The following OSBPL11 variants were observed in gnomAD, a reference collection of about 807,000 sequenced individuals.
The protein encoded by OSBPL11 is oxysterol binding protein like 11.
Under a neutral mutation model 84.4 loss-of-function variants are expected in OSBPL11, and 33 were observed. The ratio of observed to expected loss-of-function variants is 0.39; its 90% CI spans 0.30 to 0.52. The LOEUF is 0.52. OSBPL11 is among the 20% of genes least tolerant of loss of function. The pLI, the probability that OSBPL11 is intolerant of heterozygous loss-of-function variation, is 0.72. For missense variants in OSBPL11, 736 were observed against 901.1 expected (o/e 0.82, Z 2.35); for synonymous variants, 276 against 310.2 (o/e 0.89, Z 1.16).
At chr3:125,545,138 G>A (rs1413296115) in intron 10 of OSBPL11, among the ~76,000 whole-genome samples, 1 of 152,158 alleles carries the variant, frequency 6.6e-6, no homozygotes, top group East Asian at 1.9e-4. Flanking sequence ...AAATTCACAT[G>A]AAGCATAATT....
At chr3:125,559,197 A>G (rs544735901) in intron 8 of OSBPL11, among the ~76,000 whole-genome samples, 8 of 152,212 alleles carry the variant, frequency 5.3e-5, no homozygotes, top group Admixed American at 2.0e-4. Context: ...CCTGTTATAG[A>G]TAATACCCCA....
At chr3:125,536,617 TTAAG>T (rs1475110016) in intron 11 of OSBPL11, among the ~76,000 whole-genome samples, 1 of 152,222 alleles carries the variant, frequency 6.6e-6, no homozygotes, top group Non-Finnish European at 1.5e-5. Flanking sequence ...TTGTTTTTCT[TTAAG>T]TATCACATTC....
intron 1 of OSBPL11, among the ~76,000 whole-genome samples, chr3:125,586,570 T>C (rs1258392645): frequency 6.6e-6 from 1 of 151,814 alleles, no homozygotes; most frequent in Admixed American, 6.6e-5. Context: ...TGGAGAGCAG[T>C]GGTGCAATCT....
Position 125,528,991 on chromosome 3 carries a change from A to T in OSBPL11, c.*1524T>A, listed in dbSNP as rs931511522. ...CATTAAAATTGTTGTACACAAACCA[A>T]CTCTTTTTCTTATAATTTACAATTT... On this transcript the variant is annotated 3_prime_UTR_variant, in exon 13 of 13. Transcript: ENST00000296220. 6.6e-6 allele frequency: 1 copy of T among 152,478 alleles called. No homozygotes were observed. Among genetic ancestry groups the T allele is most frequent in the African/African-American group, 2.4e-5 (1 of 41,398 alleles). 9.4% of individuals were successfully genotyped at this position (152,478 alleles called of 1,614,324 possible). A position where few individuals can be genotyped will look rare whatever the true frequency, so the allele number is the denominator to read the frequency against.
At chr3:125,575,146 T>C (rs1269966621) in intron 5 of OSBPL11, among the ~76,000 whole-genome samples, 1 of 152,156 alleles carries the variant, frequency 6.6e-6, no homozygotes, top group Non-Finnish European at 1.5e-5. Context: ...GAAACGGATA[T>C]GAGAATTCCG....
chr3:125,593,050 A>G (rs1936622511), intron 1 of OSBPL11, among the ~76,000 whole-genome samples: 1 of 152,224 alleles, frequency 6.6e-6, no homozygotes, highest in African/African-American at 2.4e-5. Context: ...AATATCATCA[A>G]GAAAGTTGTA....
chr3:125,586,998 A>G (rs527638039), intron 1 of OSBPL11, among the ~76,000 whole-genome samples: 1 of 152,226 alleles, frequency 6.6e-6, no homozygotes, highest in Non-Finnish European at 1.5e-5. Context: ...ATAACTAATA[A>G]CTCTCCATCT....
At chr3:125,554,494 C>T (rs1234109281) in intron 8 of OSBPL11, among the ~76,000 whole-genome samples, 2 of 152,142 alleles carry the variant, frequency 1.3e-5, no homozygotes, top group East Asian at 1.9e-4. Context: ...GCGCCACCTA[C>T]GTGTTAAAGC....
chr3:125,569,137 C>T (rs1936207608), intron 5 of OSBPL11, among the ~76,000 whole-genome samples: 1 of 151,924 alleles, frequency 6.6e-6, no homozygotes, highest in South Asian at 2.1e-4. Flanking sequence ...TTAGTAGAGA[C>T]AGGGTTTTTC....
chr3:125,575,487 A>G (rs969865221), intron 5 of OSBPL11, among the ~76,000 whole-genome samples: 1 of 151,456 alleles, frequency 6.6e-6, no homozygotes, highest in Non-Finnish European at 1.5e-5. Context: ...CAGCCTCCCA[A>G]AGTGCTGGAA....
intron 5 of OSBPL11, 58 bp from the exon 6 acceptor site, chr3:125,567,653 T>C: frequency 7.2e-7 from 1 of 1,381,486 alleles, no homozygotes; most frequent in African/African-American, 1.4e-5. Flanking sequence ...CATGTATACA[T>C]ACAGTTGCCA....
At chr3:125,537,159 C>CAAAA (rs574427912) in intron 11 of OSBPL11, among the ~76,000 whole-genome samples, 1 of 88,232 alleles carries the variant, frequency 1.1e-5, no homozygotes, top group Admixed American at 1.2e-4. Flanking sequence ...GACCCTGTCT[C>CAAAA]AAAAAAAAAA....
At chr3:125,589,041 T>C (rs1936556628) in intron 1 of OSBPL11, among the ~76,000 whole-genome samples, 1 of 152,156 alleles carries the variant, frequency 6.6e-6, no homozygotes, top group Non-Finnish European at 1.5e-5. Flanking sequence ...ATCCCATCTA[T>C]GACAAATGAT....
At chr3:125,585,633 C>T (rs1451778929) in intron 1 of OSBPL11, among the ~76,000 whole-genome samples, 1 of 151,744 alleles carries the variant, frequency 6.6e-6, no homozygotes, top group African/African-American at 2.4e-5. Context: ...AGTAAGTAAA[C>T]TGCTGGCTTA....
chr3:125,551,641 T>C (rs1935909311), intron 9 of OSBPL11, among the ~76,000 whole-genome samples: 1 of 151,692 alleles, frequency 6.6e-6, no homozygotes, highest in Admixed American at 6.6e-5. Flanking sequence ...TGTGGTGGCA[T>C]GGTGGCAGGC....
At chr3:125,533,813 AT>A (rs2107585722) in intron 11 of OSBPL11, among the ~76,000 whole-genome samples, 1 of 152,360 alleles carries the variant, frequency 6.6e-6, no homozygotes, top group South Asian at 2.1e-4. Flanking sequence ...GTAATTGGTA[AT>A]TTTAATAACC....
intron 1 of OSBPL11, among the ~76,000 whole-genome samples, chr3:125,587,009 C>T (rs1468576851): frequency 6.6e-6 from 1 of 152,184 alleles, no homozygotes; most frequent in Non-Finnish European, 1.5e-5. Context: ...CTCTCCATCT[C>T]AAATCTATAA....
chr3:125,535,750 T>C (rs1334982021), intron 11 of OSBPL11, among the ~76,000 whole-genome samples: 1 of 151,816 alleles, frequency 6.6e-6, no homozygotes, highest in Admixed American at 6.6e-5. Context: ...GCTGGGATTA[T>C]AGGCGTGAGC....
At chr3:125,568,014 T>C (rs956698632) in intron 5 of OSBPL11, among the ~76,000 whole-genome samples, 5 of 139,062 alleles carry the variant, frequency 3.6e-5, no homozygotes, top group Non-Finnish European at 6.3e-5. Context: ...AAAAAAGACA[T>C]ATTAGGCCAT....
Sources: allele counts gnomAD v4.1 joint callset (sites outside exome capture counted in the v4.1 genomes callset), GRCh38; gene constraint gnomAD v4.1.1; transcripts MANE v1.5; gene names NCBI Gene and HGNC (gene_info 2026-07-23, HGNC 2026-07-21).